DGKD: variants seen among roughly 807,000 people sequenced by gnomAD.
DGKD encodes diacylglycerol kinase delta.
In DGKD, 68 loss-of-function variants were observed where a neutral mutation model predicts 154.4. That is an observed-to-expected ratio of 0.44 (90% CI 0.36 to 0.54). The LOEUF is 0.54. Among genes scored for constraint, DGKD ranks in the 20% least tolerant of loss-of-function variants. The pLI is 0.00. For missense variants in DGKD, 1,343 were observed against 1,593.6 expected, an observed-to-expected ratio of 0.84 and a Z score of 2.68; for synonymous variants, 693 against 638.0, an observed-to-expected ratio of 1.09 and a Z score of -1.30.
intron 6 of DGKD, 123 bp from the exon 7 acceptor site, chr2:233,436,193 C>G (rs2062688908): frequency 6.7e-7 from 1 of 1,488,768 alleles, no homozygotes. Flanking sequence ...CCCTCACTGG[C>G]CATCAGGGAA....
In DGKD at chr2:233,452,644, G is replaced by A. The variant is rs1339157253; in HGVS notation, c.2264+584G>A. On this transcript the variant is annotated intron_variant, in intron 18 of 29. Transcript: ENST00000264057. The surrounding 1 kb of genome is among the most constrained non-coding windows in gnomAD (Gnocchi z 4.0). ...CTGCGTGCTGATACTGCTACTCCTT[G>A]GGGGACAAGGCCTTCTTCCTCTGCT... Among the ~76,000 whole-genome samples the A allele has an allele frequency of 6.6e-6, 1 of 152,140 alleles. No homozygotes were observed. The highest frequency in any genetic ancestry group is 1.5e-5 in the Non-Finnish European group (1 of 68,030).
At chr2:233,448,856 C>T (rs1040515066) in intron 14 of DGKD, among the ~76,000 whole-genome samples, 3 of 152,202 alleles carry the variant, frequency 2.0e-5, no homozygotes, top group Non-Finnish European at 2.9e-5. Flanking sequence ...CAGACTAAGA[C>T]TCAGCTCGCA....
intron 3 of DGKD, among the ~76,000 whole-genome samples, chr2:233,403,517 C>T (rs778094785): frequency 4.0e-5 from 6 of 151,672 alleles, no homozygotes; most frequent in Non-Finnish European, 7.4e-5. Flanking sequence ...GCCAAGATCG[C>T]ACCGTTGCAC....
chr2:233,438,755 C>CTATCATCT lies in DGKD; in HGVS notation c.1085+376_1085+377insTATCATCT, dbSNP rs372812365. Among the ~76,000 whole-genome samples, 132 of 132,364 alleles carry CTATCATCT rather than the reference C, an allele frequency of 1.0e-3. 1 individual carries two copies. Among genetic ancestry groups the CTATCATCT allele is most frequent in the African/African-American group, 3.6e-3 (117 of 32,740 alleles). 86.8% of individuals were successfully genotyped at this position (132,364 alleles called of 152,430 possible). Reference sequence around the variant, plus strand: ...ATTTTTTATTTATCTGTCTATCTATCATCTATCTATCTATCTATCTATCTA... The same window carrying CTATCATCT: ...ATTTTTTATTTATCTGTCTATCTATCTATCATCTATCTATCTATCTATCTATCTATCTA... On this transcript the variant is annotated intron_variant, in intron 9 of 29. Transcript: ENST00000264057. The surrounding 1 kb of genome is among the most constrained non-coding windows in gnomAD (Gnocchi z 4.1).
chr2:233,379,571 G>T (rs575035250), intron 1 of DGKD, among the ~76,000 whole-genome samples: 1 of 152,144 alleles, frequency 6.6e-6, no homozygotes, highest in Non-Finnish European at 1.5e-5. Flanking sequence ...TCACTGGTGG[G>T]GTGGGGCCAG....
intron 3 of DGKD, among the ~76,000 whole-genome samples, chr2:233,424,055 C>T (rs565497262): frequency 7.9e-5 from 12 of 152,190 alleles, no homozygotes; most frequent in South Asian, 2.1e-4. Context: ...AATTTGGACC[C>T]GTGAAAAGTG....
In DGKD at chr2:233,457,654, C is replaced by G. The variant is rs1559174750; in HGVS notation, c.2580+326C>G. 3 of 483,512 alleles carry G rather than the reference C, an allele frequency of 6.2e-6. No homozygotes were observed. Among genetic ancestry groups the G allele is most frequent in the African/African-American group, 1.9e-5 (1 of 51,516 alleles). 30.0% of individuals were successfully genotyped at this position (483,512 alleles called of 1,614,324 possible). ...GTTGGAGTTGGCTAAGTTAGGTGGGCAGAGGAGAGGGGGAGGCTGTTCCAG... is the reference window on the plus strand; with the variant it reads ...GTTGGAGTTGGCTAAGTTAGGTGGGGAGAGGAGAGGGGGAGGCTGTTCCAG... On this transcript the variant is annotated intron_variant, in intron 21 of 29. Coordinates refer to ENST00000264057, the MANE Select transcript of DGKD (RefSeq NM_152879.3). The surrounding 1 kb of genome is among the most constrained non-coding windows in gnomAD (Gnocchi z 5.5).
At chr2:233,451,161 A>G (rs1267653157) in intron 17 of DGKD, 111 bp downstream of exon 17, 5 of 1,222,006 alleles carry the variant, frequency 4.1e-6, no homozygotes, top group Non-Finnish European at 5.5e-6. Flanking sequence ...GCCCCTGAGA[A>G]AGATAGGTGG....
At chr2:233,464,832 C>T (rs937144411) in intron 27 of DGKD, among the ~76,000 whole-genome samples, 15 of 152,226 alleles carry the variant, frequency 9.9e-5, no homozygotes, top group Non-Finnish European at 1.9e-4. Flanking sequence ...AGGGCCGTGT[C>T]TGGACAAGGA....
At chr2:233,415,753 A>T (rs942000136) in intron 3 of DGKD, among the ~76,000 whole-genome samples, 1 of 152,130 alleles carries the variant, frequency 6.6e-6, no homozygotes, top group Non-Finnish European at 1.5e-5. Flanking sequence ...CCTACTGAGT[A>T]GCTGGGACCA....
chr2:233,463,922 A>C (rs2063747290), intron 26 of DGKD: 1 of 512,452 alleles, frequency 2.0e-6, no homozygotes, highest in Admixed American at 3.2e-5. Context: ...GTCAGTTGTC[A>C]GCCTTGCTCT....
At chr2:233,413,240 A>G (rs2125520495) in intron 3 of DGKD, among the ~76,000 whole-genome samples, 1 of 152,326 alleles carries the variant, frequency 6.6e-6, no homozygotes. Flanking sequence ...CCTACTAAAA[A>G]TACATATATA....
At chr2:233,469,258 T>G (rs1293067677) in intron 29 of DGKD, 113 bp from the exon 30 acceptor site, 2 of 861,448 alleles carry the variant, frequency 2.3e-6, no homozygotes, top group Non-Finnish European at 3.7e-6. Flanking sequence ...TCATTTTGGC[T>G]CTCATTTGTG....
At position 233,452,279 on chromosome 2, in the gene DGKD, C is replaced by T. The variant is rs1256216003; in HGVS notation, c.2264+219C>T. 6.6e-6 allele frequency among the ~76,000 whole-genome samples: 1 copy of T among 152,220 alleles called. No homozygotes were observed. The highest frequency in any genetic ancestry group is 1.5e-5 in the Non-Finnish European group (1 of 68,040). ...AGGCAAAGCGCACGCCTCCCATCTCCTTCCCAAGGTCCCACGGTGCTTGCT... is the reference window on the plus strand; with the variant it reads ...AGGCAAAGCGCACGCCTCCCATCTCTTTCCCAAGGTCCCACGGTGCTTGCT... On this transcript the variant is annotated intron_variant, in intron 18 of 29. Transcript: ENST00000264057. This position sits in a 1 kb window ranked among gnomAD's most constrained non-coding sequence, Gnocchi z 4.0.
At chr2:233,439,853 T>C (rs1217970633) in intron 9 of DGKD, among the ~76,000 whole-genome samples, 1 of 152,152 alleles carries the variant, frequency 6.6e-6, no homozygotes, top group Non-Finnish European at 1.5e-5. Context: ...CCTCAGCCTC[T>C]CAAGAGTGTT....
intron 13 of DGKD, 37 bp from the exon 14 acceptor site, chr2:233,448,239 C>T: frequency 6.2e-7 from 1 of 1,614,038 alleles, no homozygotes. Context: ...CCTGGAGCTG[C>T]CTCTCTAGAA....
chr2:233,385,957 C>T, intron 1 of DGKD: 1 of 471,104 alleles, frequency 2.1e-6, no homozygotes, highest in African/African-American at 2.0e-5. Context: ...CCCAAGATCG[C>T]AGACTCTCAT....
chr2:233,400,305 C>G (rs568530947), intron 3 of DGKD, among the ~76,000 whole-genome samples: 1 of 152,348 alleles, frequency 6.6e-6, no homozygotes, highest in Admixed American at 6.5e-5. Flanking sequence ...TACAGGACAG[C>G]GGGAGGCAGT....
Position 233,449,469 on chromosome 2 carries a change from G to A in DGKD, c.1888+93G>A, listed in dbSNP as rs2063197376. Reference sequence around the variant, plus strand: ...ACACGGAGATGACAGAAGGGTGCATGTTGAGAAAACCTCCACTGCGGCCCT... The same window carrying A: ...ACACGGAGATGACAGAAGGGTGCATATTGAGAAAACCTCCACTGCGGCCCT... On this transcript the variant is annotated intron_variant, in intron 15 of 29. Coordinates refer to ENST00000264057, the MANE Select transcript of DGKD (RefSeq NM_152879.3). The surrounding 1 kb of genome is among the most constrained non-coding windows in gnomAD (Gnocchi z 5.3). The A allele has an allele frequency of 2.0e-6, 3 of 1,469,196 alleles. No individual in the cohort carries two copies. The allele number at this position is 1,469,196 out of a possible 1,614,324, so 91.0% of individuals were successfully genotyped here.
Sources: allele counts gnomAD v4.1 joint callset (sites outside exome capture counted in the v4.1 genomes callset), GRCh38; gene constraint gnomAD v4.1.1; non-coding constraint Gnocchi (gnomAD v3.1); transcripts MANE v1.5; gene names NCBI Gene and HGNC (gene_info 2026-07-23, HGNC 2026-07-21).